Variants in ZNF418 observed in about 807,000 individuals in gnomAD.
ZNF418 encodes the protein zinc finger protein 418.
A neutral mutation model predicts 32.0 loss-of-function variants in ZNF418; 32 were observed. That is an observed-to-expected ratio of 1.00 (90% CI 0.75 to 1.34). The LOEUF (loss-of-function observed/expected upper bound fraction) is 1.34, where lower values mean the gene tolerates loss of function less well. Ranked by LOEUF, ZNF418 falls within the 40% of genes most tolerant of loss-of-function variation. The pLI is 0.00. For missense variants in ZNF418, 804 were observed against 812.5 expected (o/e 0.99, Z 0.13); for synonymous variants, 276 against 270.7 (o/e 1.02, Z -0.19).
intron 4 of ZNF418, among the ~76,000 whole-genome samples, chr19:57,924,666 A>G (rs532708050): frequency 2.0e-5 from 3 of 152,134 alleles, no homozygotes; most frequent in Admixed American, 6.6e-5. Context: ...GAAACTCTGG[A>G]TATCAGAGCA....
rs529883318 is a variant in ZNF418 at position 57,922,919 on chromosome 19, G to A, written c.*625+273C>T. On this transcript the variant is annotated intron_variant, in intron 5 of 5. Transcript: ENST00000396147. ...GGAGGCTGAGGTGGGAGGATGACTT[G>A]AGTCCAGCAGGTCAAGGCTGCAGTG... is the stretch of plus-strand genomic sequence containing the variant. Among the ~76,000 whole-genome samples, 113 of 149,726 alleles carry A rather than the reference G, an allele frequency of 7.5e-4. 1 individual carries two copies. Among genetic ancestry groups the A allele is most frequent in the African/African-American group, 2.7e-3 (108 of 40,696 alleles).
At position 57,927,619 on chromosome 19, in the gene ZNF418, T is replaced by C; in HGVS notation, c.562A>G (p.Ser188Gly). 1.2e-6 allele frequency: 2 copies of C among 1,614,060 alleles called. No individual in the cohort carries two copies. Among genetic ancestry groups the C allele is most frequent in the Non-Finnish European group, 1.7e-6 (2 of 1,179,912 alleles). ...AAGGGAGACTCACACTCAGGTTTGC[T>C]GTTTGACTTCTCCCCAGTGTGAGTG... Reference protein sequence around the residue: ...EATHTGEKSNSKPECESPFQW... With the variant: ...EATHTGEKSNGKPECESPFQW... The change falls in exon 4 of 6, where the codon AGC becomes GGC. Residue 188 changes from serine (S) to glycine (G), a missense_variant. Physicochemically the swap from Ser to Gly is moderately conservative, Grantham distance 56. Transcript: ENST00000396147.
chr19:57,934,170 A>G, intron 1 of ZNF418: 1 of 1,221,158 alleles, frequency 8.2e-7, no homozygotes, highest in African/African-American at 1.5e-5. Flanking sequence ...CAAGCTAGAG[A>G]ACATGTGAAT....
rs762265528 is a variant in ZNF418, at chr19:57,927,826, A to G, written c.355T>C (p.Leu119=). 1.2e-6 allele frequency: 2 copies of G among 1,614,022 alleles called. No homozygotes were observed. The highest frequency in any genetic ancestry group is 1.7e-5 in the Admixed American group (1 of 60,000). The change falls in exon 4 of 6, where the codon TTG becomes CTG. Residue 119 remains leucine, a synonymous_variant. Transcript: ENST00000396147. Reference sequence around the variant, plus strand: ...TGCGGACGGTTTGAACTATCATACAATTTATTCCCCCATGCCTCACACCTG... The same window carrying G: ...TGCGGACGGTTTGAACTATCATACAGTTTATTCCCCCATGCCTCACACCTG... ...LHRCEAWGNK[L]YDSSNRPHQN...
chr19:57,923,539 T>TACACACAC (rs34833982), intron 4 of ZNF418, among the ~76,000 whole-genome samples: 19 of 144,090 alleles, frequency 1.3e-4, no homozygotes, highest in African/African-American at 4.6e-4. Flanking sequence ...TATATATACA[T>TACACACAC]ACACACACAC....
At chr19:57,924,373 T>G (rs1052391712) in intron 4 of ZNF418, among the ~76,000 whole-genome samples, 2 of 152,150 alleles carry the variant, frequency 1.3e-5, no homozygotes, top group Non-Finnish European at 2.9e-5. Flanking sequence ...CTCCTGCCAA[T>G]GCAGGAATTG....
chr19:57,924,898 TG>T (rs1322162949), intron 4 of ZNF418, among the ~76,000 whole-genome samples: 1 of 152,136 alleles, frequency 6.6e-6, no homozygotes. Context: ...TTGGAGGCCT[TG>T]GGCAGCCATG....
Position 57,935,329 on chromosome 19 carries a change from T to C in ZNF418, c.-249A>G, listed in dbSNP as rs2072656505. 2 of 747,096 alleles carry C rather than the reference T, an allele frequency of 2.7e-6. No homozygotes were observed. The highest frequency in any genetic ancestry group is 1.9e-5 in the African/African-American group (1 of 52,822). 46.3% of individuals were successfully genotyped at this position (747,096 alleles called of 1,614,324 possible). ...GGTTCGGACCCATAGCTCCAGCGCC[T>C]CTCACCTCACAAACCGCAGAAACAC... On this transcript the variant is annotated 5_prime_UTR_variant, in exon 1 of 6. Coordinates refer to ENST00000396147, the MANE Select transcript of ZNF418 (RefSeq NM_133460.3).
At chr19:57,928,195 C>T in intron 3 of ZNF418, 148 bp from the exon 4 acceptor site, 1 of 660,774 alleles carries the variant, frequency 1.5e-6, no homozygotes, top group Non-Finnish European at 2.6e-6. Context: ...ATGAGGCTAT[C>T]ATTACTGGGC....
intron 1 of ZNF418, chr19:57,934,256 G>C: frequency 3.9e-6 from 4 of 1,025,622 alleles, no homozygotes; most frequent in Non-Finnish European, 4.7e-6. Flanking sequence ...CCAGAGTTTC[G>C]CTCTTGTTGC....
Position 57,935,177 on chromosome 19 carries a change from A to G in ZNF418, c.-97T>C, listed in dbSNP as rs2072648020. ...CACAATTACCTGAGCCGGGAGCCTC[A>G]GCGCGGCCGCCGCCATCCCGAGTAC... On this transcript the variant is annotated 5_prime_UTR_variant, in exon 1 of 6. Transcript: ENST00000396147. The G allele has an allele frequency of 3.8e-6, 5 of 1,309,600 alleles. No homozygotes were observed. In the South Asian group the frequency reaches 4.1e-5, roughly 11 times the overall value. The allele number at this position is 1,309,600 out of a possible 1,614,324, so 81.1% of individuals were successfully genotyped here. A position where few individuals can be genotyped will look rare whatever the true frequency, so the allele number is the denominator to read the frequency against.
At position 57,927,194 on chromosome 19, in the gene ZNF418, G is replaced by C. The variant is rs1600169309; in HGVS notation, c.987C>G (p.Leu329=). 4.3e-6 allele frequency: 7 copies of C among 1,612,332 alleles called. No individual in the cohort carries two copies. In the East Asian group the frequency reaches 1.1e-4, roughly 26 times the overall value. ...CAGTGTGAACTCGTTGATGTTTAAT[G>C]AGAGTACCATTTTGACTAAAAGATT... The part of the protein sequence containing the change: ...CGKSFSQNGT[L]IKHQRVHTGE... Residue 329 remains leucine (L), a synonymous_variant, in exon 4 of 6, where the codon CTC becomes CTG. Transcript: ENST00000396147.
At chr19:57,934,982 G>A (rs867960065) in intron 1 of ZNF418, 179 bp downstream of exon 1, 3 of 1,423,846 alleles carry the variant, frequency 2.1e-6, no homozygotes, top group Admixed American at 4.4e-5. Context: ...GCCGGTCCCT[G>A]TGCCTGTCGC....
Position 57,926,918 on chromosome 19 carries a change from A to G in ZNF418, c.1263T>C (p.Thr421=), listed in dbSNP as rs766739021. 8 of 1,614,110 alleles carry G rather than the reference A, an allele frequency of 5.0e-6. No individual in the cohort carries two copies. The East Asian group carries it at 1.8e-4, about 36-fold the overall frequency. The change falls in exon 4 of 6, where the codon ACT becomes ACC. Residue 421 remains threonine, a synonymous_variant. Coordinates refer to ENST00000396147, the MANE Select transcript of ZNF418 (RefSeq NM_133460.3). ...CTCCACACTCGTAAGGTCTTTCTCC[A>G]GTGTGACCTCGCTGATGGTTCCTAA... ...GHLRNHQRGH[T]GERPYECGEC... is the part of the protein sequence containing the mutation.
rs1303439394 is a variant in ZNF418, at chr19:57,926,338, G to C, written c.1843C>G (p.Arg615Gly). 6.2e-7 allele frequency: 1 copy of C among 1,610,770 alleles called. No individual in the cohort carries two copies. Among genetic ancestry groups the C allele is most frequent in the East Asian group, 2.2e-5 (1 of 44,850 alleles). Reference protein sequence around the residue: ...AHFKHQRLHTRGKPYECSECG... With the variant: ...AHFKHQRLHTGGKPYECSECG... Reference sequence around the variant, plus strand: ...TCGCTGCACTCGTAAGGCTTTCCTCGAGTATGAAGTCTCTGATGTTTAAAA... The same window carrying C: ...TCGCTGCACTCGTAAGGCTTTCCTCCAGTATGAAGTCTCTGATGTTTAAAA... Residue 615 changes from arginine to glycine, a missense_variant, in exon 4 of 6, where the codon CGA (arginine) becomes GGA (glycine). Arg to Gly is a moderately radical substitution (Grantham distance 125). Transcript: ENST00000396147.
rs776330160 is a variant in ZNF418, at chr19:57,927,191, A to C, written c.990T>G (p.Ile330Met). The C allele has an allele frequency of 4.3e-6, 7 of 1,613,742 alleles. No individual in the cohort carries two copies. The highest frequency in any genetic ancestry group is 5.9e-6 in the Non-Finnish European group (7 of 1,179,976). Residue 330 changes from isoleucine (I) to methionine (M), a missense_variant, in exon 4 of 6, where the codon ATT becomes ATG. By Grantham distance (10) the Ile-to-Met change is conservative (BLOSUM62 1). Transcript: ENST00000396147. Reference protein sequence around the residue: ...GKSFSQNGTLIKHQRVHTGER... With the variant: ...GKSFSQNGTLMKHQRVHTGER... Reference sequence around the variant, plus strand: ...CTCCAGTGTGAACTCGTTGATGTTTAATGAGAGTACCATTTTGACTAAAAG... The same window carrying C: ...CTCCAGTGTGAACTCGTTGATGTTTCATGAGAGTACCATTTTGACTAAAAG...
At position 57,925,610 on chromosome 19, in the gene ZNF418, T is replaced by G. The variant is rs1406964907; in HGVS notation, c.*527+13A>C. 1 of 160,766 alleles carries G rather than the reference T, an allele frequency of 6.2e-6. No homozygotes were observed. The highest frequency in any genetic ancestry group is 2.4e-5 in the African/African-American group (1 of 41,500). 10.0% of individuals were successfully genotyped at this position (160,766 alleles called of 1,614,324 possible). A position where few individuals can be genotyped will look rare whatever the true frequency, so the allele number is the denominator to read the frequency against. On this transcript the variant is annotated intron_variant, in intron 4 of 5. Transcript: ENST00000396147. Reference sequence around the variant, plus strand: ...AAAGAAATGAGAAAGGAATGACAGCTGAGACTACTCACCAATTCCTCTGGC... The same window carrying G: ...AAAGAAATGAGAAAGGAATGACAGCGGAGACTACTCACCAATTCCTCTGGC...
At chr19:57,933,573 TA>T (rs2072566055) in intron 2 of ZNF418, among the ~76,000 whole-genome samples, 1 of 151,950 alleles carries the variant, frequency 6.6e-6, no homozygotes, top group African/African-American at 2.4e-5. Context: ...TCCAAAAAAT[TA>T]GCTGAGCATG....
chr19:57,922,354 G>C lies in ZNF418; in HGVS notation c.*901C>G, dbSNP rs931059995. The C allele has an allele frequency of 1.3e-5, 5 of 386,186 alleles. No homozygotes were observed. Among genetic ancestry groups the C allele is most frequent in the African/African-American group, 4.1e-5 (2 of 48,366 alleles). 23.9% of individuals were successfully genotyped at this position (386,186 alleles called of 1,614,324 possible). ...TGCAAAATAAAAATGTTAGAAAATG[G>C]GCCACACTTTACAAATTGAGATTAT... is the stretch of plus-strand genomic sequence containing the variant. On this transcript the variant is annotated 3_prime_UTR_variant, in exon 6 of 6. Transcript: ENST00000396147.
Sources: allele counts gnomAD v4.1 joint callset (sites outside exome capture counted in the v4.1 genomes callset), GRCh38; gene constraint gnomAD v4.1.1; transcripts MANE v1.5; gene names NCBI Gene and HGNC (gene_info 2026-07-23, HGNC 2026-07-21).